DNAJC28: variants seen among roughly 807,000 people sequenced by gnomAD.
DNAJC28 encodes DnaJ heat shock protein family (Hsp40) member C28.
In DNAJC28, 24 loss-of-function variants were observed where a neutral mutation model predicts 33.3. That is an observed-to-expected ratio of 0.72 (90% CI 0.52 to 1.01). The LOEUF is 1.01. Ranked by LOEUF, DNAJC28 falls within the 50% of genes least tolerant of loss-of-function variation. The pLI, the probability that DNAJC28 is intolerant of heterozygous loss-of-function variation, is 0.00. For synonymous variants in DNAJC28, 120 were observed against 147.2 expected (o/e 0.82, Z 1.34); for missense variants, 442 against 455.2 (o/e 0.97, Z 0.26).
intron 1 of DNAJC28, 148 bp from the exon 2 acceptor site, chr21:33,489,572 T>A (rs1259105326): frequency 4.5e-6 from 2 of 447,430 alleles, no homozygotes; most frequent in Admixed American, 8.2e-5. Context: ...TTTTCCTTTT[T>A]TTTTTTTTTT....
chr21:33,488,415 G>T lies in DNAJC28; in HGVS notation c.979C>A (p.His327Asn), dbSNP rs1443395567. Reference protein sequence around the residue: ...IVPILTRQKVHFDAQKEIVRA... With the variant: ...IVPILTRQKVNFDAQKEIVRA... ...ACAATTTCTTTCTGAGCATCAAAAT[G>T]GACTTTTTGCCTGGTCAGGATGGGA... The change falls in exon 2 of 2, where the codon CAT becomes AAT. Residue 327 changes from histidine (H) to asparagine (N), a missense_variant. Transcript: ENST00000381947. 5 of 1,590,632 alleles carry T rather than the reference G, an allele frequency of 3.1e-6. No homozygotes were observed. Among genetic ancestry groups the T allele is most frequent in the Non-Finnish European group, 4.3e-6 (5 of 1,173,168 alleles).
At chr21:33,491,104 A>C (rs1229250058) in intron 1 of DNAJC28, 1 of 152,142 alleles carries the variant, frequency 6.6e-6, no homozygotes, top group Non-Finnish European at 1.5e-5. Context: ...AAGTGTCCAA[A>C]AGACTTTAAG....
At position 33,489,567 on chromosome 21, in the gene DNAJC28, C is replaced by CTTTTTTT. The variant is rs769632462; in HGVS notation, c.-31-150_-31-144dup. 6.4e-4 allele frequency: 230 copies of CTTTTTTT among 359,526 alleles called. 3 individuals are homozygous for CTTTTTTT. The highest frequency in any genetic ancestry group is 5.1e-3 in the African/African-American group (216 of 42,638). The allele number at this position is 359,526 out of a possible 1,614,324, so 22.3% of individuals were successfully genotyped here. A position where few individuals can be genotyped will look rare whatever the true frequency, so the allele number is the denominator to read the frequency against. ...TTTGAATGCTGCTGTCAACTTTTTC[C>CTTTTTTT]TTTTTTTTTTTTTTTTGAGACAGAG... On this transcript the variant is annotated intron_variant, in intron 1 of 1. Transcript: ENST00000381947.
At position 33,488,123 on chromosome 21, in the gene DNAJC28, GATAAGTACA is replaced by G. The variant is rs1389872505; in HGVS notation, c.*95_*103del. Reference sequence around the variant, plus strand: ...TCATTGGCTATGTGATTAGTTTTGTGATAAGTACAATGGCACAATTCTTAAATTCTTGTA... The same window carrying G: ...TCATTGGCTATGTGATTAGTTTTGTGATGGCACAATTCTTAAATTCTTGTA... On this transcript the variant is annotated 3_prime_UTR_variant, in exon 2 of 2. Transcript: ENST00000381947. 1.0e-6 allele frequency: 1 copy of G among 966,450 alleles called. No homozygotes were observed. The highest frequency in any genetic ancestry group is 3.6e-5 in the Admixed American group (1 of 27,478). The allele number at this position is 966,450 out of a possible 1,614,324, so 59.9% of individuals were successfully genotyped here. A position where few individuals can be genotyped will look rare whatever the true frequency, so the allele number is the denominator to read the frequency against.
chr21:33,488,995 G>A lies in DNAJC28; in HGVS notation c.399C>T (p.His133=). 1 of 1,612,576 alleles carries A rather than the reference G, an allele frequency of 6.2e-7. No homozygotes were observed. Among genetic ancestry groups the A allele is most frequent in the Non-Finnish European group, 8.5e-7 (1 of 1,179,758 alleles). ...VEKFKYKTPQ[H]RHYLSFEGIG... ...TACCTTCAAAACTTAAATAATGTCG[G>A]TGTTGGGGTGTTTTATATTTGAATT... The change falls in exon 2 of 2, where the codon CAC becomes CAT. Residue 133 remains histidine (H), a synonymous_variant. Coordinates refer to ENST00000381947, the MANE Select transcript of DNAJC28 (RefSeq NM_001040192.3).
At position 33,488,251 on chromosome 21, in the gene DNAJC28, T is replaced by C. The variant is rs763992633; in HGVS notation, c.1143A>G (p.Lys381=). The C allele has an allele frequency of 1.3e-6, 2 of 1,506,674 alleles. No individual in the cohort carries two copies. Among genetic ancestry groups the C allele is most frequent in the African/African-American group, 2.8e-5 (2 of 71,090 alleles). 93.3% of individuals were successfully genotyped at this position (1,506,674 alleles called of 1,614,324 possible). The change falls in exon 2 of 2, where the codon AAA becomes AAG. Residue 381 remains lysine, a synonymous_variant. Transcript: ENST00000381947. ...KGFLNWMNLW[K]FIKIRSF is the part of the protein sequence containing the mutation. ...ATCAAAATGATCGTATTTTAATAAATTTCCACAGATTCATCCAGTTTAAAA... is the reference window on the plus strand; with the variant it reads ...ATCAAAATGATCGTATTTTAATAAACTTCCACAGATTCATCCAGTTTAAAA...
At chr21:33,491,437 G>C (rs1391075509) in intron 1 of DNAJC28, 165 bp downstream of exon 1, 3 of 152,248 alleles carry the variant, frequency 2.0e-5, no homozygotes, top group Non-Finnish European at 4.4e-5. Context: ...CCTGGGGTAG[G>C]GGTTCCGCGG....
rs749424168 is a variant in DNAJC28 at position 33,489,332 on chromosome 21, A to C, written c.62T>G (p.Val21Gly). ...ILRSHLIKAT[V>G]IPNRVKMLPY... is the part of the protein sequence containing the mutation. ...AAGCATTTTCACTCGATTAGGAATC[A>C]CTGTAGCCTTTATCAGGTGAGATCT... The change falls in exon 2 of 2, where the codon GTG becomes GGG. Residue 21 changes from valine (V) to glycine (G), a missense_variant. By Grantham distance (109) the Val-to-Gly change is moderately radical. Coordinates refer to ENST00000381947, the MANE Select transcript of DNAJC28 (RefSeq NM_001040192.3). 3 of 1,568,788 alleles carry C rather than the reference A, an allele frequency of 1.9e-6. No individual in the cohort carries two copies. In the South Asian group the frequency reaches 3.7e-5, roughly 19 times the overall value.
chr21:33,488,474 A>T lies in DNAJC28; in HGVS notation c.920T>A (p.Leu307Ter). The change falls in exon 2 of 2, where the codon TTA becomes TAA. Residue 307 changes from leucine (L) to a stop codon, truncating the protein, a stop_gained. Transcript: ENST00000381947. LOFTEE classifies it high-confidence loss of function. The stretch of plus-strand genomic sequence containing the variant: ...ATTAAAATCATTAATTCGCTTGTTT[A>T]ATTTTCTGATGTTTTCTTGAAACTG... ...CEQFQENIRK[L>*]NKRINDFNLI... is the part of the protein sequence containing the mutation. 4 of 1,611,628 alleles carry T rather than the reference A, an allele frequency of 2.5e-6. No individual in the cohort carries two copies. The highest frequency in any genetic ancestry group is 3.4e-6 in the Non-Finnish European group (4 of 1,179,382).
chr21:33,491,490 C>A (rs549243996), intron 1 of DNAJC28, 112 bp downstream of exon 1: 1 of 152,750 alleles, frequency 6.5e-6, no homozygotes, highest in South Asian at 2.1e-4. Flanking sequence ...GTGCGCGGTC[C>A]GCCCTTCACT....
At chr21:33,490,641 G>A (rs535424513) in intron 1 of DNAJC28, among the ~76,000 whole-genome samples, 1 of 151,832 alleles carries the variant, frequency 6.6e-6, no homozygotes, top group Non-Finnish European at 1.5e-5. Flanking sequence ...GGAGGTTGCA[G>A]TCCCAGCTAC....
In DNAJC28 at chr21:33,489,266, T is replaced by C. The variant is rs767344474; in HGVS notation, c.128A>G (p.His43Arg). ...GIIRNRMMSTHKSKKKIREYY... is the reference protein window; with the variant it reads ...GIIRNRMMSTRKSKKKIREYY... ...TTCTCTGATCTTCTTTTTGGATTTA[T>C]GGGTTGACATCATTCTATTTCTAAT... The change falls in exon 2 of 2, where the codon CAT becomes CGT. Residue 43 changes from histidine (H) to arginine (R), a missense_variant. His to Arg is a conservative substitution (Grantham distance 29). Transcript: ENST00000381947. The C allele has an allele frequency of 1.9e-6, 3 of 1,603,626 alleles. No homozygotes were observed. Among genetic ancestry groups the C allele is most frequent in the Non-Finnish European group, 2.5e-6 (3 of 1,177,070 alleles).
chr21:33,490,939 G>A (rs1264255081), intron 1 of DNAJC28: 1 of 150,958 alleles, frequency 6.6e-6, no homozygotes, highest in African/African-American at 2.4e-5. Context: ...AAAATGGTTA[G>A]GGGTGGGCAC....
Position 33,489,059 on chromosome 21 carries a change from G to T in DNAJC28, c.335C>A (p.Ala112Asp). The T allele has an allele frequency of 6.2e-7, 1 of 1,612,634 alleles. No individual in the cohort carries two copies. Among genetic ancestry groups the T allele is most frequent in the Non-Finnish European group, 8.5e-7 (1 of 1,179,722 alleles). Residue 112 changes from alanine (A) to aspartate (D), a missense_variant, in exon 2 of 2, where the codon GCC (alanine) becomes GAC (aspartate). Ala to Asp is a moderately radical substitution (Grantham distance 126). Transcript: ENST00000381947. ...VLSHVIEQTN[A>D]SQSKGEEEED... ...TTCTTCTTCACCTTTACTCTGACTG[G>T]CATTTGTTTGTTCTATCACATGGGA...
In DNAJC28 at chr21:33,489,344, A is replaced by G; in HGVS notation, c.50T>C (p.Ile17Thr). ...TCGATTAGGAATCACTGTAGCCTTT[A>G]TCAGGTGAGATCTTAAGATCTGAGC... is the stretch of plus-strand genomic sequence containing the variant. ...MMAQILRSHL[I>T]KATVIPNRVK... is the part of the protein sequence containing the mutation. Residue 17 changes from isoleucine (I) to threonine (T), a missense_variant, in exon 2 of 2, where the codon ATA (isoleucine) becomes ACA (threonine). Physicochemically the swap from Ile to Thr is moderately conservative, Grantham distance 89. Transcript: ENST00000381947. 6.5e-7 allele frequency: 1 copy of G among 1,548,982 alleles called. No individual in the cohort carries two copies. The highest frequency in any genetic ancestry group is 8.7e-7 in the Non-Finnish European group (1 of 1,153,912).
At position 33,488,178 on chromosome 21, in the gene DNAJC28, T is replaced by C; in HGVS notation, c.*49A>G. ...TTGTATTATAGCAATAAATCTCATT[T>C]TCCATGTAAAGTGTCAGTGGAACTA... On this transcript the variant is annotated 3_prime_UTR_variant, in exon 2 of 2. Coordinates refer to ENST00000381947, the MANE Select transcript of DNAJC28 (RefSeq NM_001040192.3). The C allele has an allele frequency of 7.3e-7, 1 of 1,373,210 alleles. No homozygotes were observed. The highest frequency in any genetic ancestry group is 9.7e-7 in the Non-Finnish European group (1 of 1,027,598). 85.1% of individuals were successfully genotyped at this position (1,373,210 alleles called of 1,614,324 possible).
chr21:33,490,979 A>G (rs1638389849), intron 1 of DNAJC28: 1 of 152,196 alleles, frequency 6.6e-6, no homozygotes, highest in Admixed American at 6.5e-5. Flanking sequence ...TTAACTGTCT[A>G]TACCTCCAGC....
Position 33,488,815 on chromosome 21 carries a change from C to T in DNAJC28, c.579G>A (p.Gln193=). Residue 193 remains glutamine, a synonymous_variant, in exon 2 of 2, where the codon CAG becomes CAA. Coordinates refer to ENST00000381947, the MANE Select transcript of DNAJC28 (RefSeq NM_001040192.3). ...GTTCTATAGCTTGCGTTATCTTTTGCTGTTTGCTCTGTCTTATATTTTTAA... is the reference window on the plus strand; with the variant it reads ...GTTCTATAGCTTGCGTTATCTTTTGTTGTTTGCTCTGTCTTATATTTTTAA... ...VIVKNIRQSK[Q]QKITQAIERL... is the part of the protein sequence containing the mutation. The T allele has an allele frequency of 6.2e-7, 1 of 1,613,320 alleles. No individual in the cohort carries two copies. Among genetic ancestry groups the T allele is most frequent in the Non-Finnish European group, 8.5e-7 (1 of 1,179,908 alleles).
At position 33,488,458 on chromosome 21, in the gene DNAJC28, A is replaced by G. The variant is rs770736409; in HGVS notation, c.936T>C (p.Asn312=). ...ENIRKLNKRI[N]DFNLIVPILT... is the part of the protein sequence containing the mutation. The stretch of plus-strand genomic sequence containing the variant: ...GGATGGGAACAATTAAATTAAAATC[A>G]TTAATTCGCTTGTTTAATTTTCTGA... The change falls in exon 2 of 2, where the codon AAT becomes AAC. Residue 312 remains asparagine, a synonymous_variant. Transcript: ENST00000381947. 6.2e-7 allele frequency: 1 copy of G among 1,609,920 alleles called. No individual in the cohort carries two copies. Among genetic ancestry groups the G allele is most frequent in the East Asian group, 2.2e-5 (1 of 44,850 alleles).
Sources: allele counts gnomAD v4.1 joint callset (sites outside exome capture counted in the v4.1 genomes callset), GRCh38; gene constraint gnomAD v4.1.1; transcripts MANE v1.5; gene names NCBI Gene and HGNC (gene_info 2026-07-23, HGNC 2026-07-21).